Variants in TBC1D21 observed in about 807,000 individuals in gnomAD.
TBC1D21 encodes the protein male germ cell Rab GTPase-activating protein.
Under a neutral mutation model 46.0 loss-of-function variants are expected in TBC1D21, and 38 were observed. The ratio of observed to expected loss-of-function variants is 0.83; its 90% CI spans 0.64 to 1.08. The LOEUF (loss-of-function observed/expected upper bound fraction) is 1.08, where lower values mean the gene tolerates loss of function less well. Ranked by LOEUF, TBC1D21 falls within the 50% of genes least tolerant of loss-of-function variation. The pLI is 0.00. For missense variants in TBC1D21, 415 were observed against 417.9 expected (o/e 0.99, Z 0.06); for synonymous variants, 151 against 157.2 (o/e 0.96, Z 0.29).
chr15:73,884,825 G>T lies in TBC1D21; in HGVS notation c.412G>T (p.Val138Phe). The T allele has an allele frequency of 1.2e-6, 2 of 1,614,116 alleles. No homozygotes were observed. Among genetic ancestry groups the T allele is most frequent in the Middle Eastern group, 1.7e-4 (1 of 6,060 alleles). ...KIYDKDPLGN[V>F]LIDKKRLEKI... ...CTATGACAAAGATCCCCTGGGCAAC[G>T]TCCTCATCGACAAGAAGAGGCTAGA... The change falls in exon 5 of 11, where the codon GTC (valine) becomes TTC (phenylalanine). Residue 138 changes from valine to phenylalanine, a missense_variant. Transcript: ENST00000300504.
At chr15:73,896,718 C>T in the TBC1D21 span, among the ~76,000 whole-genome samples, 2 of 152,206 alleles carry the variant, frequency 1.3e-5, no homozygotes, top group South Asian at 2.1e-4. Flanking sequence ...AGACTTCTCT[C>T]TCCTTGGCAG....
intron 1 of TBC1D21, among the ~76,000 whole-genome samples, chr15:73,879,024 A>G (rs796288539): frequency 8.5e-5 from 13 of 152,334 alleles, no homozygotes; most frequent in African/African-American, 2.9e-4. Context: ...TTAGGCCCAC[A>G]CCGAGATTTG....
chr15:73,876,538 C>T (rs554979843), intron 1 of TBC1D21, among the ~76,000 whole-genome samples: 3 of 151,766 alleles, frequency 2.0e-5, no homozygotes, highest in Non-Finnish European at 2.9e-5. Context: ...CCACCGCGCC[C>T]GGCCGAAGCA....
intron 3 of TBC1D21, among the ~76,000 whole-genome samples, chr15:73,882,626 G>A (rs1462048516): frequency 6.6e-6 from 1 of 152,148 alleles, no homozygotes; most frequent in Non-Finnish European, 1.5e-5. Flanking sequence ...TTTGGAAACC[G>A]GGTTCAAATT....
At chr15:73,885,380 C>T (rs2068226267) in intron 6 of TBC1D21, among the ~76,000 whole-genome samples, 3 of 152,196 alleles carry the variant, frequency 2.0e-5, no homozygotes. Flanking sequence ...AAGGTGCCCT[C>T]TCCTGGCATT....
the TBC1D21 span, among the ~76,000 whole-genome samples, chr15:73,901,206 T>C: frequency 1.3e-5 from 2 of 152,230 alleles, no homozygotes; most frequent in Non-Finnish European, 2.9e-5. Flanking sequence ...TCCCTCTCCA[T>C]GAACTGCTCT....
chr15:73,881,750 A>G lies in TBC1D21; in HGVS notation c.272+3A>G. 1 of 1,613,222 alleles carries G rather than the reference A, an allele frequency of 6.2e-7. No homozygotes were observed. The highest frequency in any genetic ancestry group is 8.5e-7 in the Non-Finnish European group (1 of 1,179,632). Reference sequence around the variant, plus strand: ...CTCACGGTGGACAGCATGAGGAGGTAGAACACTCCAGACCCTGCTGGGACA... The same window carrying G: ...CTCACGGTGGACAGCATGAGGAGGTGGAACACTCCAGACCCTGCTGGGACA... On this transcript the variant is annotated splice_donor_region_variant and intron_variant, in intron 3 of 10. Coordinates refer to ENST00000300504, the MANE Select transcript of TBC1D21 (RefSeq NM_153356.3).
At chr15:73,901,104 G>A in the TBC1D21 span, among the ~76,000 whole-genome samples, 1 of 152,186 alleles carries the variant, frequency 6.6e-6, no homozygotes, top group South Asian at 2.1e-4. Flanking sequence ...GATTCAGAGA[G>A]ATGCACCTTC....
At chr15:73,888,709 TCTTC>T (rs1346908339) in intron 10 of TBC1D21, among the ~76,000 whole-genome samples, 196 bp downstream of exon 10, 2 of 149,774 alleles carry the variant, frequency 1.3e-5, no homozygotes, top group African/African-American at 2.4e-5. Flanking sequence ...CTCCTCCTCT[TCTTC>T]CTTCTCCTCC....
chr15:73,888,977 C>G, intron 10 of TBC1D21, 92 bp from the exon 11 acceptor site: 1 of 1,516,308 alleles, frequency 6.6e-7, no homozygotes, highest in Non-Finnish European at 9.1e-7. Context: ...TCTGGGCACC[C>G]AGAGGCTCAG....
At chr15:73,873,858 A>G in intron 1 of TBC1D21, 89 bp downstream of exon 1, 5 of 1,451,580 alleles carry the variant, frequency 3.4e-6, no homozygotes, top group Non-Finnish European at 4.7e-6. Flanking sequence ...AGGAAAAGCT[A>G]GAACCCTGAG....
chr15:73,888,506 A>G lies in TBC1D21; in HGVS notation c.971A>G (p.Gln324Arg), dbSNP rs749788849. 2.5e-6 allele frequency: 4 copies of G among 1,613,890 alleles called. No individual in the cohort carries two copies. The Admixed American group carries it at 5.0e-5, about 20-fold the overall frequency. Residue 324 changes from glutamine to arginine, a missense_variant, in exon 10 of 11, where the codon CAG becomes CGG. Gln to Arg is a conservative substitution (Grantham distance 43, BLOSUM62 1). Coordinates refer to ENST00000300504, the MANE Select transcript of TBC1D21 (RefSeq NM_153356.3). Reference sequence around the variant, plus strand: ...TGCGTGGTTTATGCTGAGCTCATCCAGAAGGATGTAAGTTGCCCCAATGAT... The same window carrying G: ...TGCGTGGTTTATGCTGAGCTCATCCGGAAGGATGTAAGTTGCCCCAATGAT... ...AACVVYAELI[Q>R]KDVPQTLKDF...
the TBC1D21 span, among the ~76,000 whole-genome samples, chr15:73,899,628 G>A: frequency 9.2e-5 from 14 of 152,264 alleles, no homozygotes; most frequent in East Asian, 2.1e-3. Flanking sequence ...GAGCCCAGGC[G>A]GAATCAGAGG....
intron 3 of TBC1D21, among the ~76,000 whole-genome samples, 156 bp downstream of exon 3, chr15:73,881,903 G>A (rs185074483): frequency 2.6e-5 from 4 of 152,190 alleles, no homozygotes; most frequent in African/African-American, 9.6e-5. Context: ...AGGAGGTGCG[G>A]CCAGTTCGTG....
At chr15:73,902,897 A>G in the TBC1D21 span, among the ~76,000 whole-genome samples, 1 of 152,092 alleles carries the variant, frequency 6.6e-6, no homozygotes, top group Non-Finnish European at 1.5e-5. Flanking sequence ...CCCCCTCTAC[A>G]TTTCCATCAA....
Position 73,888,426 on chromosome 15 carries a change from G to A in TBC1D21, c.895-4G>A. The A allele has an allele frequency of 2.5e-6, 4 of 1,613,196 alleles. No individual in the cohort carries two copies. The South Asian group carries it at 4.4e-5, about 18-fold the overall frequency. ...CCCACAACTGCTCCCACACTCCCAT[G>A]CAGGCCTGCAACAACCTCATCGACC... On this transcript the variant is annotated splice_region_variant and splice_polypyrimidine_tract_variant and intron_variant, in intron 9 of 10. Transcript: ENST00000300504.
chr15:73,899,521 A>C, the TBC1D21 span, among the ~76,000 whole-genome samples: 1 of 152,104 alleles, frequency 6.6e-6, no homozygotes, highest in Admixed American at 6.6e-5. Context: ...GTTAACATTT[A>C]GATAGTGGAA....
the TBC1D21 span, among the ~76,000 whole-genome samples, chr15:73,907,040 AC>A: frequency 1.3e-5 from 2 of 152,020 alleles, no homozygotes; most frequent in South Asian, 4.2e-4. Flanking sequence ...GAGGGTAAGG[AC>A]CCCAGGCCAG....
the TBC1D21 span, among the ~76,000 whole-genome samples, chr15:73,903,222 G>T: frequency 4.3e-4 from 66 of 152,346 alleles, no homozygotes; most frequent in South Asian, 0.011. Flanking sequence ...ACAGGCTGCT[G>T]CCGCCTCCTG....
Sources: allele counts gnomAD v4.1 joint callset (sites outside exome capture counted in the v4.1 genomes callset), GRCh38; gene constraint gnomAD v4.1.1; transcripts MANE v1.5; gene names NCBI Gene and HGNC (gene_info 2026-07-23, HGNC 2026-07-21).